EFCAB8: variants seen among roughly 807,000 people sequenced by gnomAD.
The protein encoded by EFCAB8 is EF-hand calcium binding domain 8.
Under a neutral mutation model 116.3 loss-of-function variants are expected in EFCAB8, and 100 were observed. The ratio of observed to expected loss-of-function variants is 0.86; its 90% CI spans 0.73 to 1.02. The LOEUF is 1.02. Among genes scored for constraint, EFCAB8 ranks in the 50% least tolerant of loss-of-function variants. The pLI is 0.00. For missense variants in EFCAB8, 1,320 were observed against 1,416.9 expected (o/e 0.93, Z 1.10); for synonymous variants, 558 against 567.9 (o/e 0.98, Z 0.25).
chr20:32,878,604 G>A (rs1214759267), intron 4 of EFCAB8, 100 bp from the exon 5 acceptor site: 7 of 823,014 alleles, frequency 8.5e-6, no homozygotes, highest in Non-Finnish European at 1.1e-5. Context: ...TGCAAGCTCC[G>A]CTTCCCGGGT....
At chr20:32,881,219 G>A (rs1985321169) in intron 5 of EFCAB8, among the ~76,000 whole-genome samples, 1 of 152,090 alleles carries the variant, frequency 6.6e-6, no homozygotes, top group Non-Finnish European at 1.5e-5. Flanking sequence ...TTTTTGAGAT[G>A]GAGTTTTGCT....
intron 21 of EFCAB8, 26 bp from the exon 22 acceptor site, chr20:32,931,152 G>T: frequency 6.6e-7 from 1 of 1,508,406 alleles, no homozygotes; most frequent in Non-Finnish European, 8.9e-7. Context: ...GGGGTGTGAG[G>T]CCACTAACCC....
At chr20:32,879,662 C>T (rs1795446693) in intron 5 of EFCAB8, among the ~76,000 whole-genome samples, 1 of 152,094 alleles carries the variant, frequency 6.6e-6, no homozygotes, top group Non-Finnish European at 1.5e-5. Flanking sequence ...TAAGATAGGA[C>T]AGAGGGGCGA....
intron 22 of EFCAB8, among the ~76,000 whole-genome samples, chr20:32,942,429 G>A (rs1008290389): frequency 2.4e-4 from 36 of 151,986 alleles, no homozygotes; most frequent in African/African-American, 7.7e-4. Context: ...GATCATGCCT[G>A]TAATCCCAGC....
intron 4 of EFCAB8, 133 bp downstream of exon 4, chr20:32,876,177 C>CGG: frequency 1.3e-6 from 1 of 766,118 alleles, no homozygotes; most frequent in Non-Finnish European, 2.2e-6. Context: ...TGGCCCCAGT[C>CGG]GGGGGACTTG....
intron 15 of EFCAB8, 24 bp from the exon 16 acceptor site, chr20:32,911,455 GC>G: frequency 1.4e-6 from 2 of 1,449,408 alleles, no homozygotes; most frequent in South Asian, 1.5e-5. Flanking sequence ...CTCTCCAGCA[GC>G]CCCCAGCTGT....
chr20:32,934,740 C>T (rs185649045), intron 22 of EFCAB8, among the ~76,000 whole-genome samples: 46 of 152,340 alleles, frequency 3.0e-4, no homozygotes, highest in Non-Finnish European at 8.8e-5. Context: ...AGTTCCCCTG[C>T]TCATGCTCTC....
In EFCAB8 at chr20:32,882,905, C is replaced by T. The variant is rs556673770; in HGVS notation, c.432-2600C>T. On this transcript the variant is annotated intron_variant, in intron 5 of 26. Transcript: ENST00000400522. ...AGAGACGGGGTTTCACCATGTTAGC[C>T]AGGATAGTCTCAATCTCCTGACCTC... Among the ~76,000 whole-genome samples, 6 of 152,184 alleles carry T rather than the reference C, an allele frequency of 3.9e-5. No individual in the cohort carries two copies. The South Asian group carries it at 1.2e-3, about 32-fold the overall frequency.
At chr20:32,904,297 T>TAG (rs952179120) in intron 11 of EFCAB8, among the ~76,000 whole-genome samples, 1 of 146,098 alleles carries the variant, frequency 6.8e-6, no homozygotes, top group Admixed American at 6.9e-5. Context: ...CTGGCCTGAA[T>TAG]AGAGTCTTTT....
intron 3 of EFCAB8, among the ~76,000 whole-genome samples, chr20:32,870,399 A>T (rs1482941801): frequency 6.6e-6 from 1 of 152,182 alleles, no homozygotes; most frequent in Non-Finnish European, 1.5e-5. Flanking sequence ...TTTTTTCATG[A>T]TACTTTTTTG....
At chr20:32,889,511 C>T (rs548399521) in intron 7 of EFCAB8, 105 bp downstream of exon 7, 3 of 1,165,068 alleles carry the variant, frequency 2.6e-6, no homozygotes, top group South Asian at 2.8e-5. Context: ...TGGATCAGAG[C>T]CCCCTGGGAG....
intron 20 of EFCAB8, among the ~76,000 whole-genome samples, chr20:32,923,704 T>C (rs1987555569): frequency 6.6e-6 from 1 of 152,210 alleles, no homozygotes; most frequent in Non-Finnish European, 1.5e-5. Flanking sequence ...TCATATTGCA[T>C]GTATTATTCC....
chr20:32,916,763 T>A (rs570968864), intron 17 of EFCAB8, among the ~76,000 whole-genome samples: 2 of 152,214 alleles, frequency 1.3e-5, no homozygotes, highest in South Asian at 4.2e-4. Context: ...AATTATAAAG[T>A]ATATTCAGTG....
chr20:32,907,090 G>C (rs1262383401), intron 13 of EFCAB8, 96 bp downstream of exon 13: 1 of 1,436,380 alleles, frequency 7.0e-7, no homozygotes, highest in Non-Finnish European at 9.1e-7. Flanking sequence ...CCCCACATCT[G>C]GCCAAAGGCC....
rs753039647 is a variant in EFCAB8 at position 32,935,192 on chromosome 20, C to CTTTTTTTTTTTTTTTTTTTTTTTTTTTT, written c.2790+3881_2790+3882insTTTTTTTTTTTTTTTTTTTTTTTTTTTT. On this transcript the variant is annotated intron_variant, in intron 22 of 26. Coordinates refer to ENST00000400522, the MANE Select transcript of EFCAB8 (RefSeq NM_001143967.2). ...TTCTCTTTTCTTTCTTTCTTTCTTT[C>CTTTTTTTTTTTTTTTTTTTTTTTTTTTT]TTTTTTTTTTTTTTTTTTTTTTTTT... is the stretch of plus-strand genomic sequence containing the variant. Among the ~76,000 whole-genome samples, 22 of 34,050 alleles carry CTTTTTTTTTTTTTTTTTTTTTTTTTTTT rather than the reference C, an allele frequency of 6.5e-4. 2 individuals carry two copies. Among genetic ancestry groups the CTTTTTTTTTTTTTTTTTTTTTTTTTTTT allele is most frequent in the Admixed American group, 1.4e-3 (3 of 2,162 alleles). 22.3% of individuals were successfully genotyped at this position (34,050 alleles called of 152,430 possible).
chr20:32,896,891 C>G (rs919695368), intron 10 of EFCAB8, among the ~76,000 whole-genome samples: 1 of 152,190 alleles, frequency 6.6e-6, no homozygotes. Flanking sequence ...ACCCCGGTAG[C>G]TTCTCATCAC....
chr20:32,878,835 G>A, intron 5 of EFCAB8, 28 bp downstream of exon 5: 1 of 1,541,884 alleles, frequency 6.5e-7, no homozygotes, highest in Admixed American at 2.0e-5. Context: ...GGGCCTTGGT[G>A]GGTGGGGTGA....
At chr20:32,878,508 CTTT>C (rs1292839813) in intron 4 of EFCAB8, among the ~76,000 whole-genome samples, 193 bp from the exon 5 acceptor site, 3 of 116,648 alleles carry the variant, frequency 2.6e-5, no homozygotes, top group Admixed American at 9.4e-5. Context: ...GGCTTGAGTT[CTTT>C]TTTTTTTTTT....
intron 11 of EFCAB8, among the ~76,000 whole-genome samples, chr20:32,900,304 A>C (rs922692054): frequency 6.6e-6 from 1 of 152,158 alleles, no homozygotes; most frequent in African/African-American, 2.4e-5. Context: ...ACTGTCTTAG[A>C]GCAGACACTT....
Sources: allele counts gnomAD v4.1 joint callset (sites outside exome capture counted in the v4.1 genomes callset), GRCh38; gene constraint gnomAD v4.1.1; transcripts MANE v1.5; gene names NCBI Gene and HGNC (gene_info 2026-07-23, HGNC 2026-07-21).